The following DMBT1 variants were observed in gnomAD, a reference collection of about 807,000 sequenced individuals.
DMBT1 encodes deleted in malignant brain tumors 1.
In DMBT1, 198 loss-of-function variants were observed where a neutral mutation model predicts 252.9. That is an observed-to-expected ratio of 0.78 (90% CI 0.70 to 0.88). The LOEUF is 0.88. Among genes scored for constraint, DMBT1 ranks in the 40% least tolerant of loss-of-function variants. The pLI is 0.00. For missense variants in DMBT1, 2,432 were observed against 2,404.7 expected (o/e 1.01, Z -0.24); for synonymous variants, 990 against 942.7 (o/e 1.05, Z -0.92).
intron 16 of DMBT1, among the ~76,000 whole-genome samples, chr10:122,587,123 C>T (rs1430654132): frequency 6.7e-6 from 1 of 148,192 alleles, no homozygotes; most frequent in South Asian, 2.3e-4. Context: ...TTAGATGGGA[C>T]AAACATCCAA....
chr10:122,591,680 G>A (rs949300348), intron 19 of DMBT1, among the ~76,000 whole-genome samples, 163 bp downstream of exon 19: 3 of 148,352 alleles, frequency 2.0e-5, no homozygotes, highest in African/African-American at 4.9e-5. Flanking sequence ...GTCCCGGGTC[G>A]GGTGTTAGAG....
At chr10:122,617,060 A>C (rs879169403) in intron 39 of DMBT1, among the ~76,000 whole-genome samples, 168 bp from the exon 40 acceptor site, 4 of 147,154 alleles carry the variant, frequency 2.7e-5, no homozygotes, top group South Asian at 2.2e-4. Flanking sequence ...ACCTTTGTTC[A>C]TGGATGAGTT....
At chr10:122,640,963 T>G (rs2742220) in intron 55 of DMBT1, among the ~76,000 whole-genome samples, 1 of 151,768 alleles carries the variant, frequency 6.6e-6, no homozygotes, top group African/African-American at 2.4e-5. Flanking sequence ...ACACGCACAT[T>G]GTAAGGCTGT....
rs768654542 is a variant in DMBT1, at chr10:122,617,972, AC to A, written c.4892-43del. 3.7e-6 allele frequency: 6 copies of A among 1,607,720 alleles called. 1 individual carries two copies. The Admixed American group carries it at 1.0e-4, about 27-fold the overall frequency. On this transcript the variant is annotated intron_variant, in intron 40 of 55. Coordinates refer to ENST00000338354, the MANE Select transcript of DMBT1 (RefSeq NM_001377530.1). ...GTGTGGAACTTGCCTTAGATTGTTG[AC>A]CTCCTGGTGGGGATGGATGAAGGGT... is the stretch of plus-strand genomic sequence containing the variant.
In DMBT1 at chr10:122,643,308, G is replaced by A; in HGVS notation, c.7539G>A (p.Arg2513=). ...GAGGCTGTGTGTTGAGGTCGAAGAG[G>A]GATGTGGGCTCCTACCAGGAAAAGG... ...CYRGCVLRSK[R]DVGSYQEKVD... The change falls in exon 56 of 56, where the codon AGG becomes AGA. Residue 2513 remains arginine, a synonymous_variant. Coordinates refer to ENST00000338354, the MANE Select transcript of DMBT1 (RefSeq NM_001377530.1). 4 of 1,613,958 alleles carry A rather than the reference G, an allele frequency of 2.5e-6. No homozygotes were observed. Among genetic ancestry groups the A allele is most frequent in the Non-Finnish European group, 3.4e-6 (4 of 1,179,882 alleles).
intron 17 of DMBT1, among the ~76,000 whole-genome samples, chr10:122,589,902 A>T (rs1363380210): frequency 2.7e-5 from 4 of 148,448 alleles, no homozygotes; most frequent in Admixed American, 2.7e-4. Context: ...TCACCTCTAT[A>T]CTTGGGGATC....
At position 122,576,451 on chromosome 10, in the gene DMBT1, G is replaced by A. The variant is rs528872385; in HGVS notation, c.336G>A (p.Gln112=). The A allele has an allele frequency of 1.3e-4, 208 of 1,613,760 alleles. 4 individuals carry two copies. In the South Asian group the frequency reaches 2.2e-3, roughly 17 times the overall value. The change falls in exon 7 of 56, where the codon CAG becomes CAA. Residue 112 remains glutamine (Q), a synonymous_variant. Transcript: ENST00000338354. ...LRLVNGDGRC[Q]GRVEILYRGS... is the part of the protein sequence containing the mutation. ...TGGTGAATGGAGATGGCAGGTGTCA[G>A]GGCCGAGTGGAGATCCTATACCGAG...
chr10:122,597,784 G>A (rs1043291016), intron 24 of DMBT1, among the ~76,000 whole-genome samples, 190 bp from the exon 25 acceptor site: 6 of 152,154 alleles, frequency 3.9e-5, no homozygotes, highest in Admixed American at 3.9e-4. Context: ...GGATCGAACT[G>A]GTCTCCAGCA....
chr10:122,622,642 G>A (rs747273651), intron 44 of DMBT1, among the ~76,000 whole-genome samples: 2 of 152,150 alleles, frequency 1.3e-5, no homozygotes, highest in African/African-American at 2.4e-5. Flanking sequence ...GGCCTGGGAG[G>A]ACTTTGATTG....
chr10:122,617,096 A>G, intron 39 of DMBT1, 132 bp from the exon 40 acceptor site: 1 of 1,087,940 alleles, frequency 9.2e-7, no homozygotes, highest in South Asian at 1.3e-5. Flanking sequence ...CTGGGAAGAC[A>G]CATGGGAAGC....
At chr10:122,623,090 A>G (rs1211171460) in intron 44 of DMBT1, among the ~76,000 whole-genome samples, 1 of 152,154 alleles carries the variant, frequency 6.6e-6, no homozygotes, top group East Asian at 1.9e-4. Flanking sequence ...CCTGGCAACC[A>G]CTAATCTGCT....
chr10:122,618,667 G>A (rs1453074382), intron 41 of DMBT1, among the ~76,000 whole-genome samples: 8 of 152,186 alleles, frequency 5.3e-5, no homozygotes, highest in South Asian at 2.1e-4. Flanking sequence ...TGAGGGTATC[G>A]TGGACACAGC....
At chr10:122,576,264 G>T (rs570881147) in intron 6 of DMBT1, 135 bp from the exon 7 acceptor site, 2 of 1,303,624 alleles carry the variant, frequency 1.5e-6, no homozygotes, top group Non-Finnish European at 2.1e-6. Flanking sequence ...TAACCTTAAG[G>T]CCTGTTAAAG....
chr10:122,599,702 C>G (rs1177094215), intron 26 of DMBT1, among the ~76,000 whole-genome samples: 1 of 152,194 alleles, frequency 6.6e-6, no homozygotes, highest in Non-Finnish European at 1.5e-5. Flanking sequence ...CAGGCATGGC[C>G]TTGTCATTGC....
intron 15 of DMBT1, 97 bp from the exon 16 acceptor site, chr10:122,585,963 G>A: frequency 6.4e-7 from 1 of 1,557,890 alleles, no homozygotes; most frequent in Admixed American, 1.7e-5. Flanking sequence ...CTGCCCAGGT[G>A]ACTTTAGCCA....
intron 16 of DMBT1, among the ~76,000 whole-genome samples, chr10:122,588,388 A>T (rs1341508218): frequency 4.8e-5 from 7 of 146,996 alleles, no homozygotes; most frequent in African/African-American, 1.7e-4. Flanking sequence ...TCCAAGTATC[A>T]GGAAATAATA....
At chr10:122,620,943 T>C (rs1187997420) in intron 43 of DMBT1, 114 bp from the exon 44 acceptor site, 1 of 1,545,056 alleles carries the variant, frequency 6.5e-7, no homozygotes, top group Non-Finnish European at 8.8e-7. Context: ...TATTCAAAGG[T>C]GATTACCTGC....
chr10:122,631,909 G>A, intron 50 of DMBT1, 34 bp downstream of exon 50: 1 of 1,609,134 alleles, frequency 6.2e-7, no homozygotes, highest in South Asian at 1.1e-5. Flanking sequence ...CACTTCCCTG[G>A]TCTCCAGGTC....
Position 122,592,261 on chromosome 10 carries a change from T to C in DMBT1, c.2177-11T>C. 6.3e-7 allele frequency: 1 copy of C among 1,585,970 alleles called. No homozygotes were observed. Among genetic ancestry groups the C allele is most frequent in the Non-Finnish European group, 8.6e-7 (1 of 1,165,186 alleles). On this transcript the variant is annotated splice_polypyrimidine_tract_variant and intron_variant, in intron 19 of 55. Transcript: ENST00000338354. ...TAGGGATGGATAAAGGGTTCTTGTG[T>C]TCCCCTGTAGGATCTGAATCCAGTT...
Sources: gnomAD v4.1 joint callset for allele counts (sites outside exome capture counted in the v4.1 genomes callset) on GRCh38, gnomAD v4.1.1 for gene constraint, MANE v1.5 for transcripts, NCBI Gene and HGNC (gene_info 2026-07-23, HGNC 2026-07-21) for gene names.